IPCEF1: variants seen among roughly 807,000 people sequenced by gnomAD.
The protein encoded by IPCEF1 is interactor protein for cytohesin exchange factors 1.
IPCEF1 carries 31 observed loss-of-function variants against 50.9 expected under a neutral mutation model. The observed-to-expected ratio is 0.61, with a 90% CI of 0.46 to 0.82. The LOEUF (loss-of-function observed/expected upper bound fraction) is 0.82, where lower values mean the gene tolerates loss of function less well. IPCEF1 is among the 40% of genes least tolerant of loss of function. The pLI is 0.00. For synonymous variants in IPCEF1, 181 were observed against 192.0 expected (o/e 0.94, Z 0.47); for missense variants, 458 against 514.0 (o/e 0.89, Z 1.05).
intron 9 of IPCEF1, among the ~76,000 whole-genome samples, chr6:154,211,270 G>A (rs570327171): frequency 6.6e-6 from 1 of 152,190 alleles, no homozygotes; most frequent in African/African-American, 2.4e-5. Flanking sequence ...CAAAAAATTA[G>A]CCGGGCGAGG....
chr6:154,223,070 G>C, intron 6 of IPCEF1, 100 bp downstream of exon 6: 1 of 922,526 alleles, frequency 1.1e-6, no homozygotes, highest in Non-Finnish European at 1.8e-6. Context: ...ACATTCCGAT[G>C]TTACCTTCAC....
chr6:154,154,748 C>A lies in IPCEF1; in HGVS notation c.*5080G>T, dbSNP rs566288718. ...TTTTCTTATTTTTATTTTTATCTTACAAGTCAACCTCAAAAACATAAAGCA... is the reference window on the plus strand; with the variant it reads ...TTTTCTTATTTTTATTTTTATCTTAAAAGTCAACCTCAAAAACATAAAGCA... On this transcript the variant is annotated 3_prime_UTR_variant, in exon 12 of 12. Coordinates refer to ENST00000367220, the MANE Select transcript of IPCEF1 (RefSeq NM_001130700.2). 4 of 152,196 alleles carry A rather than the reference C, an allele frequency of 2.6e-5. No homozygotes were observed. Among genetic ancestry groups the A allele is most frequent in the Non-Finnish European group, 5.9e-5 (4 of 67,978 alleles). 9.4% of individuals were successfully genotyped at this position (152,196 alleles called of 1,614,324 possible). A position where few individuals can be genotyped will look rare whatever the true frequency, so the allele number is the denominator to read the frequency against.
At chr6:154,247,645 C>T in intron 3 of IPCEF1, 157 bp from the exon 4 acceptor site, 1 of 554,006 alleles carries the variant, frequency 1.8e-6, no homozygotes. Context: ...CTAGCTGAGG[C>T]ACAAAATGTG....
chr6:154,282,761 G>C (rs926787541), intron 2 of IPCEF1, among the ~76,000 whole-genome samples: 1 of 152,168 alleles, frequency 6.6e-6, no homozygotes, highest in African/African-American at 2.4e-5. Context: ...AATAGTACAT[G>C]TACCAAGTCA....
chr6:154,169,666 C>T (rs556339075), intron 10 of IPCEF1, among the ~76,000 whole-genome samples: 2 of 152,304 alleles, frequency 1.3e-5, no homozygotes, highest in Non-Finnish European at 2.9e-5. Context: ...CAGACTCCAT[C>T]TCCCTTCCTA....
intron 9 of IPCEF1, among the ~76,000 whole-genome samples, chr6:154,211,348 G>A (rs946828534): frequency 4.6e-5 from 7 of 151,844 alleles, no homozygotes; most frequent in African/African-American, 9.7e-5. Context: ...GGCAGAGCTT[G>A]CAGTGAGCCA....
intron 1 of IPCEF1, among the ~76,000 whole-genome samples, chr6:154,340,712 C>T (rs1783893901): frequency 6.6e-6 from 1 of 151,422 alleles, no homozygotes; most frequent in South Asian, 2.1e-4. Context: ...ATGGAGAAAC[C>T]CTGTCTCTAC....
At chr6:154,346,993 A>T (rs746909359) in intron 1 of IPCEF1, among the ~76,000 whole-genome samples, 9 of 152,014 alleles carry the variant, frequency 5.9e-5, no homozygotes, top group Non-Finnish European at 8.8e-5. Flanking sequence ...ATGCTCCATC[A>T]CCCTCAACCC....
At chr6:154,354,326 ATCACTTCCTCAACCATCT>A (rs1784166434) in intron 1 of IPCEF1, among the ~76,000 whole-genome samples, 1 of 146,526 alleles carries the variant, frequency 6.8e-6, no homozygotes, top group Admixed American at 7.1e-5. Context: ...CACCTCTACC[ATCACTTCCTCAACCATCT>A]CCACCATGTC....
chr6:154,288,310 G>A (rs1415428541), intron 2 of IPCEF1, among the ~76,000 whole-genome samples: 4 of 152,190 alleles, frequency 2.6e-5, no homozygotes, highest in Non-Finnish European at 5.9e-5. Context: ...AATACTTTCT[G>A]AAAAATTACC....
chr6:154,324,235 A>G (rs1783465095), intron 1 of IPCEF1, among the ~76,000 whole-genome samples: 1 of 152,198 alleles, frequency 6.6e-6, no homozygotes, highest in Non-Finnish European at 1.5e-5. Flanking sequence ...CATTTTATCA[A>G]AATAAATTGC....
intron 1 of IPCEF1, among the ~76,000 whole-genome samples, chr6:154,318,712 C>CAAAAAAAA (rs57436031): frequency 4.0e-5 from 4 of 98,830 alleles, no homozygotes; most frequent in African/African-American, 7.5e-5. Flanking sequence ...GACCCTGTCT[C>CAAAAAAAA]AAAAAAAAAA....
chr6:154,160,111 A>G, intron 11 of IPCEF1, 71 bp from the exon 12 acceptor site: 2 of 1,204,834 alleles, frequency 1.7e-6, no homozygotes, highest in Non-Finnish European at 1.2e-6. Flanking sequence ...CATCTTTACC[A>G]ACTCTTTTAC....
At chr6:154,288,751 T>C (rs1471862715) in intron 2 of IPCEF1, among the ~76,000 whole-genome samples, 2 of 141,176 alleles carry the variant, frequency 1.4e-5, no homozygotes, top group African/African-American at 2.6e-5. Context: ...AGTTTAAAGT[T>C]GTGTTTCATC....
chr6:154,260,476 C>CTT lies in IPCEF1; in HGVS notation c.36+5434_36+5435dup, dbSNP rs34318796. The stretch of plus-strand genomic sequence containing the variant: ...CTAAAATCTATCTAAGACCAGAGAA[C>CTT]TTTTTTTTTTTTTTGAGATGGAGTC... On this transcript the variant is annotated intron_variant, in intron 3 of 11. Transcript: ENST00000367220. 1.5e-3 allele frequency among the ~76,000 whole-genome samples: 210 copies of CTT among 144,370 alleles called. 3 individuals carry two copies. Among genetic ancestry groups the CTT allele is most frequent in the African/African-American group, 4.0e-3 (154 of 38,912 alleles). The allele number at this position is 144,370 out of a possible 152,430, so 94.7% of individuals were successfully genotyped here.
At chr6:154,161,193 C>T (rs560231964) in intron 11 of IPCEF1, among the ~76,000 whole-genome samples, 71 of 151,796 alleles carry the variant, frequency 4.7e-4, no homozygotes, top group Non-Finnish European at 9.0e-4. Flanking sequence ...CTTTCTTTAC[C>T]CAATTTTTTT....
At chr6:154,303,066 G>A (rs980021292) in intron 1 of IPCEF1, among the ~76,000 whole-genome samples, 27 of 148,962 alleles carry the variant, frequency 1.8e-4, no homozygotes, top group African/African-American at 6.4e-4. Context: ...GATTTTGAAC[G>A]CAACTATATT....
intron 3 of IPCEF1, among the ~76,000 whole-genome samples, chr6:154,250,218 A>G (rs1781303275): frequency 6.6e-6 from 1 of 152,122 alleles, no homozygotes; most frequent in South Asian, 2.1e-4. Context: ...GTCCGTTTCA[A>G]AATGATCTTG....
intron 5 of IPCEF1, among the ~76,000 whole-genome samples, chr6:154,235,933 C>T (rs1169611784): frequency 2.6e-5 from 4 of 152,166 alleles, no homozygotes; most frequent in Admixed American, 2.6e-4. Flanking sequence ...AAATGGAACC[C>T]TTGTGTTCCA....
Sources: gnomAD v4.1 joint callset for allele counts (sites outside exome capture counted in the v4.1 genomes callset) on GRCh38, gnomAD v4.1.1 for gene constraint, MANE v1.5 for transcripts, NCBI Gene and HGNC (gene_info 2026-07-23, HGNC 2026-07-21) for gene names.